The following PEAK1 variants were observed in gnomAD, a reference collection of about 807,000 sequenced individuals.
PEAK1 encodes the protein inactive tyrosine-protein kinase PEAK1.
In PEAK1, 54 loss-of-function variants were observed where a neutral mutation model predicts 124.7. That is an observed-to-expected ratio of 0.43 (90% CI 0.35 to 0.54). The LOEUF (loss-of-function observed/expected upper bound fraction) is 0.54. Ranked by LOEUF, PEAK1 falls within the 20% of genes least tolerant of loss-of-function variation. The probability of loss-of-function intolerance (pLI) is 0.01; values close to 1 mark genes in which losing one functional copy is unlikely to be tolerated. For missense variants in PEAK1, 2,046 were observed against 2,134.5 expected (o/e 0.96, Z 0.82); for synonymous variants, 719 against 760.0 (o/e 0.95, Z 0.89).
At chr15:77,268,953 C>T (rs943556515) in intron 5 of PEAK1, among the ~76,000 whole-genome samples, 5 of 151,934 alleles carry the variant, frequency 3.3e-5, no homozygotes, top group African/African-American at 1.2e-4. Context: ...ATTTTTCAGA[C>T]AAACAAATGC....
At chr15:77,212,651 A>G (rs1337905714) in intron 6 of PEAK1, among the ~76,000 whole-genome samples, 1 of 152,216 alleles carries the variant, frequency 6.6e-6, no homozygotes, top group Admixed American at 6.5e-5. Flanking sequence ...TATTCAACAT[A>G]GGCCAAAGGA....
At chr15:77,147,773 T>C (rs1420821652) in intron 8 of PEAK1, among the ~76,000 whole-genome samples, 1 of 152,198 alleles carries the variant, frequency 6.6e-6, no homozygotes, top group East Asian at 1.9e-4. Context: ...TCAAGTTGCA[T>C]AAAGACCAAT....
At chr15:77,153,925 T>C (rs1264095279) in intron 8 of PEAK1, among the ~76,000 whole-genome samples, 1 of 152,208 alleles carries the variant, frequency 6.6e-6, no homozygotes, top group East Asian at 1.9e-4. Flanking sequence ...AGTTTTGGAA[T>C]AGGTGTGGTG....
chr15:77,210,372 T>C (rs1294040857), intron 6 of PEAK1, among the ~76,000 whole-genome samples: 3 of 152,142 alleles, frequency 2.0e-5, no homozygotes, highest in Non-Finnish European at 4.4e-5. Context: ...GAAGAAGCAA[T>C]ATATATGTAA....
At chr15:77,355,662 C>T (rs1322871392) in intron 2 of PEAK1, 1 of 698,708 alleles carries the variant, frequency 1.4e-6, no homozygotes, top group African/African-American at 1.9e-5. Context: ...GGGCTACAGA[C>T]CTGGCATGGA....
At position 77,136,531 on chromosome 15, in the gene PEAK1, T is replaced by C. The variant is rs191720419; in HGVS notation, c.3332-2781A>G. 5.2e-3 allele frequency among the ~76,000 whole-genome samples: 794 copies of C among 152,092 alleles called. 6 individuals are homozygous for C. The highest frequency in any genetic ancestry group is 0.018 in the African/African-American group (753 of 41,484). ...AAATACAAAAATTAGCCAGGTGTGG[T>C]GGCAGACACCTGTAGTCCCAGCTAC... is the stretch of plus-strand genomic sequence containing the variant. On this transcript the variant is annotated intron_variant, in intron 8 of 9. Coordinates refer to ENST00000682557, the MANE Select transcript of PEAK1 (RefSeq NM_001385026.1).
chr15:77,216,069 A>G (rs575632511), intron 6 of PEAK1, among the ~76,000 whole-genome samples: 4 of 152,300 alleles, frequency 2.6e-5, no homozygotes, highest in African/African-American at 4.8e-5. Flanking sequence ...CAGCTTGTCC[A>G]TATCTTCAAA....
At chr15:77,260,333 T>C (rs1338626015) in intron 5 of PEAK1, among the ~76,000 whole-genome samples, 23 of 152,170 alleles carry the variant, frequency 1.5e-4, no homozygotes, top group Admixed American at 1.5e-3. Flanking sequence ...AGGACTCAAA[T>C]ATTTAAATTC....
intron 6 of PEAK1, among the ~76,000 whole-genome samples, chr15:77,216,015 T>C (rs1272668412): frequency 2.0e-5 from 3 of 152,210 alleles, no homozygotes; most frequent in Non-Finnish European, 4.4e-5. Context: ...TTTATCAAAA[T>C]TGTTTTAGCT....
At chr15:77,237,686 T>A (rs1422200309) in intron 6 of PEAK1, among the ~76,000 whole-genome samples, 2 of 152,132 alleles carry the variant, frequency 1.3e-5, no homozygotes, top group African/African-American at 4.8e-5. Context: ...TGCTAAAATC[T>A]CCCACTATGA....
intron 1 of PEAK1, among the ~76,000 whole-genome samples, chr15:77,399,353 T>C (rs2071164058): frequency 6.6e-6 from 1 of 151,984 alleles, no homozygotes; most frequent in Non-Finnish European, 1.5e-5. Flanking sequence ...AGACCCAAAA[T>C]AGCCAGAGCT....
At chr15:77,370,972 G>A (rs997612083) in intron 1 of PEAK1, 3 of 621,110 alleles carry the variant, frequency 4.8e-6, no homozygotes, top group Non-Finnish European at 6.0e-6. Flanking sequence ...GGAGGTTGCA[G>A]TGAGCTGAGA....
intron 2 of PEAK1, chr15:77,347,678 A>G (rs1597386721): frequency 1.0e-6 from 1 of 974,274 alleles, no homozygotes. Context: ...ACACCCTCCT[A>G]AAACAGAAAT....
chr15:77,393,527 C>A (rs547752639), intron 1 of PEAK1, among the ~76,000 whole-genome samples: 1 of 152,172 alleles, frequency 6.6e-6, no homozygotes, highest in African/African-American at 2.4e-5. Context: ...CACTCTGAGC[C>A]AGAAGAGAAC....
intron 1 of PEAK1, among the ~76,000 whole-genome samples, chr15:77,413,268 A>C (rs1052667615): frequency 2.6e-5 from 4 of 152,218 alleles, no homozygotes; most frequent in African/African-American, 9.6e-5. Context: ...TTCTCCCTCC[A>C]GGAAGTGGAG....
chr15:77,165,194 C>T (rs2055992946), intron 7 of PEAK1, among the ~76,000 whole-genome samples: 1 of 150,950 alleles, frequency 6.6e-6, no homozygotes, highest in African/African-American at 2.4e-5. Flanking sequence ...AGCCACTACG[C>T]CTGGCCTTTT....
intron 1 of PEAK1, among the ~76,000 whole-genome samples, chr15:77,379,710 A>G (rs1171336082): frequency 1.3e-5 from 2 of 152,178 alleles, no homozygotes; most frequent in African/African-American, 2.4e-5. Flanking sequence ...CAGGACCTTC[A>G]TAAGAGATCT....
intron 2 of PEAK1, among the ~76,000 whole-genome samples, chr15:77,295,902 T>C (rs2063462339): frequency 6.6e-6 from 1 of 152,228 alleles, no homozygotes; most frequent in South Asian, 2.1e-4. Flanking sequence ...CAACAGTGAA[T>C]ATTTCTTCTA....
chr15:77,211,411 G>A (rs1483673006), intron 6 of PEAK1, among the ~76,000 whole-genome samples: 1 of 152,230 alleles, frequency 6.6e-6, no homozygotes, highest in East Asian at 1.9e-4. Context: ...GGTAGTACAG[G>A]TTCTACGGCT....
Sources: allele counts gnomAD v4.1 joint callset (sites outside exome capture counted in the v4.1 genomes callset), GRCh38; gene constraint gnomAD v4.1.1; transcripts MANE v1.5; gene names NCBI Gene and HGNC (gene_info 2026-07-23, HGNC 2026-07-21).